Variants in SUGCT observed in about 807,000 individuals in gnomAD.
SUGCT encodes the protein succinyl-CoA:glutarate CoA-transferase.
In SUGCT, 41 loss-of-function variants were observed where a neutral mutation model predicts 55.0. The observed-to-expected ratio is 0.74, with a 90% CI of 0.58 to 0.97. SUGCT has a LOEUF of 0.97. Among genes scored for constraint, SUGCT ranks in the 50% least tolerant of loss-of-function variants. The pLI, the probability that SUGCT is intolerant of heterozygous loss-of-function variation, is 0.00. For missense variants in SUGCT, 568 were observed against 547.8 expected (o/e 1.04, Z -0.37); for synonymous variants, 187 against 200.4 (o/e 0.93, Z 0.56).
chr7:40,341,137 A>G (rs1202882907), intron 9 of SUGCT, among the ~76,000 whole-genome samples: 1 of 152,202 alleles, frequency 6.6e-6, no homozygotes, highest in Non-Finnish European at 1.5e-5. Flanking sequence ...AATGAAACCT[A>G]CTGAGGAGAC....
intron 12 of SUGCT, among the ~76,000 whole-genome samples, chr7:40,551,670 C>T (rs1002518826): frequency 6.6e-6 from 1 of 152,136 alleles, no homozygotes; most frequent in South Asian, 2.1e-4. Flanking sequence ...ATCCTGTCCA[C>T]AAGAAGAGAC....
At chr7:40,452,989 GT>G (rs1430786105) in intron 10 of SUGCT, among the ~76,000 whole-genome samples, 1 of 152,184 alleles carries the variant, frequency 6.6e-6, no homozygotes, top group Non-Finnish European at 1.5e-5. Context: ...TTTCCCTCTA[GT>G]TATTCCTTCA....
At position 40,245,432 on chromosome 7, in the gene SUGCT, T is replaced by TA. The variant is rs1562607478; in HGVS notation, c.576+7706_576+7707insA. ...ATATATATATATATATATTTTTTTT[T>TA]TTTTTTTTTTTTTTTTTTTTTTTTT... On this transcript the variant is annotated intron_variant, in intron 7 of 13. Transcript: ENST00000335693. Among the ~76,000 whole-genome samples, 6 of 43,276 alleles carry TA rather than the reference T, an allele frequency of 1.4e-4. 1 individual carries two copies. The highest frequency in any genetic ancestry group is 2.0e-4 in the Non-Finnish European group (5 of 25,388). 28.4% of individuals were successfully genotyped at this position (43,276 alleles called of 152,430 possible).
chr7:40,485,508 C>T (rs185794926), intron 11 of SUGCT, among the ~76,000 whole-genome samples: 53 of 146,286 alleles, frequency 3.6e-4, no homozygotes, highest in Middle Eastern at 7.9e-3. Context: ...TCATTGTAGC[C>T]TCAACCTCCC....
intron 9 of SUGCT, among the ~76,000 whole-genome samples, chr7:40,442,987 C>T (rs567745043): frequency 1.3e-5 from 2 of 152,134 alleles, no homozygotes; most frequent in Non-Finnish European, 2.9e-5. Context: ...GTTTTCTGTC[C>T]TTGTGATAGT....
intron 8 of SUGCT, among the ~76,000 whole-genome samples, chr7:40,304,001 A>T (rs1471585710): frequency 1.3e-5 from 2 of 150,466 alleles, no homozygotes; most frequent in East Asian, 3.9e-4. Flanking sequence ...GTAAGCTGAG[A>T]TCGTGCCATT....
At chr7:40,945,076 G>A in the SUGCT span, among the ~76,000 whole-genome samples, 5 of 152,090 alleles carry the variant, frequency 3.3e-5, no homozygotes, top group African/African-American at 1.2e-4. Flanking sequence ...TCAGACTTCA[G>A]GCAGTAGAGG....
Position 40,734,325 on chromosome 7 carries a change from G to A in SUGCT, c.1090-15109G>A, listed in dbSNP as rs148566242. Among the ~76,000 whole-genome samples the A allele has an allele frequency of 3.9e-5, 6 of 152,300 alleles. No individual in the cohort carries two copies. The East Asian group carries it at 1.2e-3, about 29-fold the overall frequency. On this transcript the variant is annotated intron_variant, in intron 12 of 13. Transcript: ENST00000335693. ...TCTTATTATAGTGGAAAGTCGTACT[G>A]AACACTTTAGAGACAGACACAAGTG...
intron 6 of SUGCT, among the ~76,000 whole-genome samples, chr7:40,234,204 C>CTTAAT (rs1256326573): frequency 6.6e-6 from 1 of 152,206 alleles, no homozygotes; most frequent in Non-Finnish European, 1.5e-5. Context: ...TTTTCCGAAC[C>CTTAAT]TAGAGTTAAC....
the SUGCT span, among the ~76,000 whole-genome samples, chr7:41,019,654 G>T: frequency 6.6e-6 from 1 of 152,282 alleles, no homozygotes; most frequent in East Asian, 1.9e-4. Flanking sequence ...CCAACTCTAT[G>T]TTCTTCTGAG....
intron 12 of SUGCT, among the ~76,000 whole-genome samples, chr7:40,635,705 A>G (rs1291958630): frequency 2.0e-5 from 3 of 152,206 alleles, no homozygotes; most frequent in South Asian, 2.1e-4. Flanking sequence ...GAGATCTCCT[A>G]TTAATCTGTT....
At chr7:40,777,830 C>T (rs765687208) in intron 13 of SUGCT, among the ~76,000 whole-genome samples, 1 of 152,132 alleles carries the variant, frequency 6.6e-6, no homozygotes, top group South Asian at 2.1e-4. Context: ...AGAAGCCAAA[C>T]GACCAGCTGC....
At chr7:40,176,278 G>A (rs375592444) in intron 1 of SUGCT, among the ~76,000 whole-genome samples, 2 of 151,948 alleles carry the variant, frequency 1.3e-5, no homozygotes, top group African/African-American at 4.8e-5. Flanking sequence ...CAGAATCTGA[G>A]TATTAACTGT....
intron 10 of SUGCT, among the ~76,000 whole-genome samples, chr7:40,452,261 A>G (rs969519925): frequency 1.3e-5 from 2 of 152,224 alleles, no homozygotes; most frequent in African/African-American, 4.8e-5. Flanking sequence ...GCAAAGTATG[A>G]AAGTGAGCAT....
chr7:40,139,603 T>G (rs1339669920), intron 1 of SUGCT, among the ~76,000 whole-genome samples: 4 of 152,242 alleles, frequency 2.6e-5, no homozygotes, highest in African/African-American at 9.6e-5. Context: ...TTGAGTTGTT[T>G]GAGTTGCTTA....
intron 12 of SUGCT, among the ~76,000 whole-genome samples, chr7:40,529,787 A>C (rs916930033): frequency 6.6e-6 from 1 of 152,208 alleles, no homozygotes; most frequent in African/African-American, 2.4e-5. Flanking sequence ...GGTTTTTGCC[A>C]TTGAAAGTAA....
chr7:40,910,612 C>T, the SUGCT span, among the ~76,000 whole-genome samples: 1 of 152,030 alleles, frequency 6.6e-6, no homozygotes, highest in African/African-American at 2.4e-5. Context: ...TTCCAGTGAC[C>T]GCTCTGACAG....
At chr7:40,939,064 A>C in the SUGCT span, among the ~76,000 whole-genome samples, 1 of 152,318 alleles carries the variant, frequency 6.6e-6, no homozygotes. Flanking sequence ...CTGCTGATAA[A>C]GACCCGAGAC....
intron 13 of SUGCT, among the ~76,000 whole-genome samples, chr7:40,758,961 C>T (rs538022413): frequency 2.0e-5 from 3 of 152,018 alleles, no homozygotes; most frequent in African/African-American, 7.2e-5. Flanking sequence ...GCATTTCAAA[C>T]AGTTAAGCAA....
Sources: allele counts gnomAD v4.1 joint callset (sites outside exome capture counted in the v4.1 genomes callset), GRCh38; gene constraint gnomAD v4.1.1; transcripts MANE v1.5; gene names NCBI Gene and HGNC (gene_info 2026-07-23, HGNC 2026-07-21).